The following TCF4 variants were observed in gnomAD, a reference collection of about 807,000 sequenced individuals.
TCF4 encodes the protein transcription factor 4, also known as SL3-3 enhancer factor 2.
Under a neutral mutation model 82.1 loss-of-function variants are expected in TCF4, and 3 were observed. That is an observed-to-expected ratio of 0.04 (90% CI 0.02 to 0.09). The LOEUF (loss-of-function observed/expected upper bound fraction) is 0.09. TCF4 is among the 10% of genes least tolerant of loss of function. TCF4 has a pLI of 1.00. For synonymous variants in TCF4, 276 were observed against 309.6 expected (o/e 0.89, Z 1.14); for missense variants, 518 against 852.7 (o/e 0.61, Z 4.89).
At chr18:55,508,749 T>G (rs1209011775) in intron 3 of TCF4, among the ~76,000 whole-genome samples, 1 of 152,174 alleles carries the variant, frequency 6.6e-6, no homozygotes, top group Admixed American at 6.5e-5. Flanking sequence ...CAGTAAACAT[T>G]GTTGCTGTGC....
At chr18:55,261,769 A>T (rs2058128277) in intron 11 of TCF4, among the ~76,000 whole-genome samples, 3 of 152,202 alleles carry the variant, frequency 2.0e-5, no homozygotes, top group Admixed American at 1.3e-4. Context: ...TTTCCTTGCT[A>T]TGACTTTCCC....
chr18:55,535,400 T>G (rs2097106122), intron 3 of TCF4, among the ~76,000 whole-genome samples: 1 of 152,216 alleles, frequency 6.6e-6, no homozygotes, highest in South Asian at 2.1e-4. Context: ...ACCATTTTTG[T>G]TTTACTTAAG....
chr18:55,538,026 G>GCACACACACA lies in TCF4; in HGVS notation c.145+47244_145+47253dup, dbSNP rs57686777. 6.3e-3 allele frequency among the ~76,000 whole-genome samples: 835 copies of GCACACACACA among 131,532 alleles called. 12 individuals are homozygous for GCACACACACA. Among genetic ancestry groups the GCACACACACA allele is most frequent in the East Asian group, 0.015 (67 of 4,396 alleles). 86.3% of individuals were successfully genotyped at this position (131,532 alleles called of 152,430 possible). On this transcript the variant is annotated intron_variant, in intron 3 of 19. Transcript: ENST00000354452. Reference sequence around the variant, plus strand: ...CTGGATTTTGCTAGTCTGCGCGCGCGCACACACACACACACACACACACAC... The same window carrying GCACACACACA: ...CTGGATTTTGCTAGTCTGCGCGCGCGCACACACACACACACACACACACACACACACACAC...
In TCF4 at chr18:55,223,718, T is replaced by TC. The variant is rs2046197379; in HGVS notation, c.*4316_*4317insG. ...TTTTGAAATGTTTTCCCTTTTTTTT[T>TC]TTTTAACAATTTTTTTAAGTTTTTA... is the stretch of plus-strand genomic sequence containing the variant. On this transcript the variant is annotated 3_prime_UTR_variant, in exon 20 of 20. Coordinates refer to ENST00000354452, the MANE Select transcript of TCF4 (RefSeq NM_001083962.2). The TC allele has an allele frequency of 6.7e-6, 1 of 149,762 alleles. No homozygotes were observed. The highest frequency in any genetic ancestry group is 1.5e-5 in the Non-Finnish European group (1 of 66,950). 9.3% of individuals were successfully genotyped at this position (149,762 alleles called of 1,614,324 possible). A position where few individuals can be genotyped will look rare whatever the true frequency, so the allele number is the denominator to read the frequency against.
At chr18:55,560,067 T>C (rs2097341794) in intron 3 of TCF4, among the ~76,000 whole-genome samples, 2 of 152,208 alleles carry the variant, frequency 1.3e-5, no homozygotes, top group East Asian at 1.9e-4. Flanking sequence ...CATAATAATA[T>C]ATATTCATTA....
exon 2 of TCF4, chr18:55,631,351 G>C (rs1435166889): frequency 6.5e-7 from 1 of 1,548,298 alleles, no homozygotes; most frequent in Non-Finnish European, 8.7e-7. Context: ...GCCCGTCCAA[G>C]AGATAATGTT....
intron 6 of TCF4, among the ~76,000 whole-genome samples, chr18:55,371,513 T>C (rs891515525): frequency 6.6e-6 from 1 of 152,040 alleles, no homozygotes; most frequent in Non-Finnish European, 1.5e-5. Flanking sequence ...ACAAAAGGAG[T>C]GCTTCGGTGA....
At chr18:55,600,957 A>G (rs559328738) in intron 2 of TCF4, among the ~76,000 whole-genome samples, 1 of 152,334 alleles carries the variant, frequency 6.6e-6, no homozygotes, top group African/African-American at 2.4e-5. Flanking sequence ...GGTTATATGC[A>G]GATACTGTGC....
At chr18:55,487,316 A>G (rs1469780879) in intron 3 of TCF4, among the ~76,000 whole-genome samples, 1 of 152,202 alleles carries the variant, frequency 6.6e-6, no homozygotes, top group Non-Finnish European at 1.5e-5. Flanking sequence ...CAATCAATCA[A>G]TTACATACAT....
chr18:55,246,034 T>C (rs917435352), intron 15 of TCF4, among the ~76,000 whole-genome samples: 1 of 152,316 alleles, frequency 6.6e-6, no homozygotes, highest in Admixed American at 6.5e-5. Context: ...AGGGTAATAT[T>C]GCATTTTTTT....
At chr18:55,231,675 G>GT (rs1473413249) in intron 17 of TCF4, 1 of 152,216 alleles carries the variant, frequency 6.6e-6, no homozygotes, top group South Asian at 2.1e-4. Flanking sequence ...TTATCTAGAA[G>GT]TATTCGGCAT....
intron 3 of TCF4, among the ~76,000 whole-genome samples, chr18:55,541,252 A>C (rs1166445458): frequency 6.6e-6 from 1 of 151,996 alleles, no homozygotes; most frequent in East Asian, 1.9e-4. Flanking sequence ...TAGTAATCAC[A>C]ATTGTAGGAT....
intron 6 of TCF4, among the ~76,000 whole-genome samples, chr18:55,368,508 T>TAA (rs959562880): frequency 7.2e-5 from 11 of 151,834 alleles, no homozygotes; most frequent in African/African-American, 2.4e-4. Flanking sequence ...TTGGTCTTCT[T>TAA]AAAAAAAACA....
intron 3 of TCF4, among the ~76,000 whole-genome samples, chr18:55,478,488 G>A (rs2096348974): frequency 6.6e-6 from 1 of 152,102 alleles, no homozygotes; most frequent in African/African-American, 2.4e-5. Flanking sequence ...CAGCTGATCT[G>A]TCCCCGATAA....
chr18:55,387,832 T>C (rs1419870862), intron 6 of TCF4, among the ~76,000 whole-genome samples: 3 of 152,218 alleles, frequency 2.0e-5, no homozygotes, highest in Non-Finnish European at 4.4e-5. Context: ...TGCTGGCTAT[T>C]ACTTCATGGT....
intron 5 of TCF4, among the ~76,000 whole-genome samples, chr18:55,448,266 C>T (rs374520054): frequency 7.9e-5 from 12 of 152,122 alleles, no homozygotes; most frequent in African/African-American, 2.4e-4. Flanking sequence ...TTTCTACAGG[C>T]GGGAATATTC....
At chr18:55,598,220 C>T (rs1357022648) in intron 2 of TCF4, among the ~76,000 whole-genome samples, 1 of 152,112 alleles carries the variant, frequency 6.6e-6, no homozygotes, top group Admixed American at 6.6e-5. Context: ...GTGGTATTCC[C>T]ATGAAGCAGA....
chr18:55,234,527 G>A (rs750619058), intron 16 of TCF4, 21 bp downstream of exon 16: 1 of 1,614,170 alleles, frequency 6.2e-7, no homozygotes, highest in Non-Finnish European at 8.5e-7. Context: ...GGTCAGAAGT[G>A]CCCTGGTGAG....
At chr18:55,242,608 T>C (rs577255232) in intron 15 of TCF4, among the ~76,000 whole-genome samples, 2 of 149,280 alleles carry the variant, frequency 1.3e-5, no homozygotes, top group South Asian at 4.2e-4. Flanking sequence ...TTGCAGGCAC[T>C]GATTTTTTTT....
Sources: gnomAD v4.1 joint callset for allele counts (sites outside exome capture counted in the v4.1 genomes callset) on GRCh38, gnomAD v4.1.1 for gene constraint, MANE v1.5 for transcripts, NCBI Gene and HGNC (gene_info 2026-07-23, HGNC 2026-07-21) for gene names.